MIR2052HG: variants seen among roughly 807,000 people sequenced by gnomAD.
The protein encoded by MIR2052HG is MIR2052 host gene.
chr8:74,633,947 G>A (rs1198872772), intron 2 of MIR2052HG, among the ~76,000 whole-genome samples: 1 of 152,118 alleles, frequency 6.6e-6, no homozygotes, highest in East Asian at 1.9e-4. Context: ...ACAATCACTG[G>A]GCACATTAGA....
intron 4 of MIR2052HG, among the ~76,000 whole-genome samples, chr8:74,704,924 CA>C (rs1809394751): frequency 6.6e-6 from 1 of 152,104 alleles, no homozygotes; most frequent in Non-Finnish European, 1.5e-5. Context: ...ATTGTTAAAA[CA>C]TGTCCAGAAG....
At chr8:74,601,416 A>G (rs1465382885) in intron 1 of MIR2052HG, among the ~76,000 whole-genome samples, 2 of 152,142 alleles carry the variant, frequency 1.3e-5, no homozygotes, top group Non-Finnish European at 2.9e-5. Context: ...CCTGTCTCCT[A>G]CAGAGACTGC....
At chr8:74,604,455 T>TGGA (rs577633429) in intron 1 of MIR2052HG, among the ~76,000 whole-genome samples, 5 of 65,774 alleles carry the variant, frequency 7.6e-5, no homozygotes, top group African/African-American at 6.0e-5. Context: ...GAAGGTGGGG[T>TGGA]GGAGGAGGAG....
chr8:74,703,905 A>G (rs1241718572), intron 4 of MIR2052HG, among the ~76,000 whole-genome samples: 1 of 152,054 alleles, frequency 6.6e-6, no homozygotes, highest in African/African-American at 2.4e-5. Flanking sequence ...CACCGGTGCT[A>G]CCATATTACA....
intron 2 of MIR2052HG, among the ~76,000 whole-genome samples, chr8:74,693,616 G>GT (rs1809262750): frequency 6.8e-6 from 1 of 148,112 alleles, no homozygotes; most frequent in African/African-American, 2.5e-5. Flanking sequence ...GGGGCGGGGG[G>GT]GGAGGGGTGG....
At chr8:74,665,912 C>T (rs7016712) in intron 2 of MIR2052HG, among the ~76,000 whole-genome samples, 4,626 of 152,272 alleles carry the variant, frequency 0.03, 157 homozygotes, top group African/African-American at 0.081. Flanking sequence ...CTCTTGCCTG[C>T]TGCCATGTAA....
At chr8:74,627,352 G>A (rs1389571983) in intron 2 of MIR2052HG, among the ~76,000 whole-genome samples, 2 of 152,138 alleles carry the variant, frequency 1.3e-5, no homozygotes, top group African/African-American at 4.8e-5. Flanking sequence ...ATGACCAATG[G>A]CTGATGAGTG....
chr8:74,715,442 A>G (rs1809510592), intron 4 of MIR2052HG, among the ~76,000 whole-genome samples: 1 of 152,228 alleles, frequency 6.6e-6, no homozygotes, highest in African/African-American at 2.4e-5. Flanking sequence ...AATTAACTTT[A>G]CACAAAAAAG....
chr8:74,664,755 T>C (rs1808904176), intron 2 of MIR2052HG, among the ~76,000 whole-genome samples: 1 of 152,124 alleles, frequency 6.6e-6, no homozygotes, highest in African/African-American at 2.4e-5. Context: ...TGACCTCAGG[T>C]GATTCGCCCA....
intron 2 of MIR2052HG, among the ~76,000 whole-genome samples, chr8:74,616,966 T>TA (rs57745464): frequency 4.7e-5 from 7 of 150,304 alleles, no homozygotes; most frequent in East Asian, 1.9e-4. Context: ...AAAAAAAGAT[T>TA]AAAAAAAAAA....
At chr8:74,670,929 T>C (rs2128737991) in intron 2 of MIR2052HG, among the ~76,000 whole-genome samples, 1 of 152,234 alleles carries the variant, frequency 6.6e-6, no homozygotes, top group Non-Finnish European at 1.5e-5. Context: ...TGTTTCTCTC[T>C]CATTTTTTTC....
At chr8:74,619,747 G>A (rs899996960) in intron 2 of MIR2052HG, among the ~76,000 whole-genome samples, 1 of 152,170 alleles carries the variant, frequency 6.6e-6, no homozygotes, top group Non-Finnish European at 1.5e-5. Flanking sequence ...TGGGAATTAT[G>A]GGGATTACAA....
intron 4 of MIR2052HG, among the ~76,000 whole-genome samples, chr8:74,705,273 A>T (rs1809398759): frequency 1.3e-5 from 2 of 152,226 alleles, no homozygotes; most frequent in South Asian, 4.1e-4. Flanking sequence ...ACTCAGTTAA[A>T]ATACTTTGCA....
chr8:74,602,817 G>GTTTCTTTCTTTCTTTCTTTATTTCTTTC (rs1808024026), intron 1 of MIR2052HG, among the ~76,000 whole-genome samples: 1 of 73,786 alleles, frequency 1.4e-5, no homozygotes, highest in Non-Finnish European at 2.5e-5. Flanking sequence ...GCCCGGCCGT[G>GTTTCTTTCTTTCTTTCTTTATTTCTTTC]TTTCTTTCTT....
chr8:74,749,592 T>C (rs528166490), intron 4 of MIR2052HG, among the ~76,000 whole-genome samples: 6 of 152,238 alleles, frequency 3.9e-5, no homozygotes, highest in African/African-American at 1.4e-4. Flanking sequence ...GGCTCACGTC[T>C]GTAATCCCAG....
At chr8:74,637,430 T>TGCAC (rs1355878122) in intron 2 of MIR2052HG, among the ~76,000 whole-genome samples, 1 of 152,044 alleles carries the variant, frequency 6.6e-6, no homozygotes, top group African/African-American at 2.4e-5. Context: ...CACATGTGCG[T>TGCAC]GCACACACAC....
At chr8:74,694,775 C>G (rs1809278610) in intron 2 of MIR2052HG, among the ~76,000 whole-genome samples, 1 of 151,850 alleles carries the variant, frequency 6.6e-6, no homozygotes, top group African/African-American at 2.4e-5. Flanking sequence ...TTGAATTAAC[C>G]CAATCTGACA....
At chr8:74,752,830 T>C (rs991425051) in intron 5 of MIR2052HG, among the ~76,000 whole-genome samples, 2 of 152,218 alleles carry the variant, frequency 1.3e-5, no homozygotes, top group African/African-American at 4.8e-5. Context: ...TTTCATAATA[T>C]GTAGCAGCTG....
At chr8:74,618,582 C>T (rs1043259754) in intron 2 of MIR2052HG, among the ~76,000 whole-genome samples, 1 of 152,062 alleles carries the variant, frequency 6.6e-6, no homozygotes, top group African/African-American at 2.4e-5. Context: ...AAGCATTTGA[C>T]AAAATTTCAC....
Sources: allele counts gnomAD v4.1 joint callset (sites outside exome capture counted in the v4.1 genomes callset), GRCh38; gene constraint gnomAD v4.1.1; transcripts MANE v1.5; gene names NCBI Gene and HGNC (gene_info 2026-07-23, HGNC 2026-07-21).